AGBL3: variants seen among roughly 807,000 people sequenced by gnomAD.
AGBL3 encodes cytosolic carboxypeptidase 3.
AGBL3 carries 68 observed loss-of-function variants against 94.5 expected under a neutral mutation model. The ratio of observed to expected loss-of-function variants is 0.72; its 90% CI spans 0.59 to 0.88. The LOEUF (loss-of-function observed/expected upper bound fraction) is 0.88. AGBL3 is among the 40% of genes least tolerant of loss of function. The pLI is 0.00. For synonymous variants in AGBL3, 354 were observed against 370.7 expected, an observed-to-expected ratio of 0.95 and a Z score of 0.52; for missense variants, 934 against 1,103.8, an observed-to-expected ratio of 0.85 and a Z score of 2.18.
chr7:135,045,769 A>G, intron 10 of AGBL3, 30 bp from the exon 11 acceptor site: 3 of 1,452,166 alleles, frequency 2.1e-6, no homozygotes, highest in Non-Finnish European at 2.8e-6. Context: ...AAGTTATTTC[A>G]TAATGAGCTC....
chr7:135,057,082 T>G (rs1184926893), intron 11 of AGBL3, among the ~76,000 whole-genome samples: 1 of 152,052 alleles, frequency 6.6e-6, no homozygotes, highest in Admixed American at 6.6e-5. Context: ...ATATCCAATA[T>G]ATTTGTCACC....
At chr7:135,092,995 G>A (rs983085082) in intron 15 of AGBL3, 2 of 150,626 alleles carry the variant, frequency 1.3e-5, no homozygotes, top group African/African-American at 4.9e-5. Flanking sequence ...GATTAAAAAA[G>A]AGACACTCAA....
chr7:135,121,235 C>T (rs1827089674), intron 16 of AGBL3, among the ~76,000 whole-genome samples: 1 of 151,956 alleles, frequency 6.6e-6, no homozygotes, highest in Non-Finnish European at 1.5e-5. Flanking sequence ...CACAGAACTG[C>T]AAAATATGTG....
intron 8 of AGBL3, among the ~76,000 whole-genome samples, chr7:135,040,359 G>A (rs999416356): frequency 1.3e-5 from 2 of 152,050 alleles, no homozygotes; most frequent in Non-Finnish European, 2.9e-5. Flanking sequence ...GGACATAGAT[G>A]CAAAAATTCT....
intron 15 of AGBL3, among the ~76,000 whole-genome samples, chr7:135,087,119 T>C (rs1563250737): frequency 1.3e-5 from 2 of 152,004 alleles, no homozygotes. Flanking sequence ...CTAAGTTTTC[T>C]AATTTGTTGG....
At chr7:135,064,355 A>G (rs891202881) in intron 12 of AGBL3, among the ~76,000 whole-genome samples, 2 of 152,216 alleles carry the variant, frequency 1.3e-5, no homozygotes, top group African/African-American at 4.8e-5. Flanking sequence ...AGGTCATGTA[A>G]AGCCTGGTAG....
At chr7:135,025,673 C>G (rs191167914) in intron 5 of AGBL3, among the ~76,000 whole-genome samples, 1 of 151,636 alleles carries the variant, frequency 6.6e-6, no homozygotes, top group African/African-American at 2.4e-5. Flanking sequence ...CAAGACCCAA[C>G]TGTTGGCTGT....
chr7:135,104,767 G>A (rs1163566844), intron 15 of AGBL3, among the ~76,000 whole-genome samples: 1 of 149,990 alleles, frequency 6.7e-6, no homozygotes, highest in Non-Finnish European at 1.5e-5. Flanking sequence ...CTTTTTAATG[G>A]GGCTGTTTGG....
At chr7:135,086,326 T>C (rs1222533092) in intron 15 of AGBL3, among the ~76,000 whole-genome samples, 2 of 152,066 alleles carry the variant, frequency 1.3e-5, no homozygotes, top group Non-Finnish European at 2.9e-5. Context: ...TTCTTTCTCT[T>C]GCCTGTTTGC....
intron 16 of AGBL3, among the ~76,000 whole-genome samples, chr7:135,117,746 C>T (rs915143210): frequency 2.6e-5 from 4 of 152,210 alleles, no homozygotes; most frequent in African/African-American, 9.6e-5. Flanking sequence ...TTTCCATATA[C>T]ACCTATATCA....
chr7:135,040,000 C>T (rs1443137216), intron 8 of AGBL3, among the ~76,000 whole-genome samples: 2 of 152,000 alleles, frequency 1.3e-5, no homozygotes, highest in Non-Finnish European at 2.9e-5. Context: ...AATGATGGCA[C>T]AACTTACCAA....
At chr7:135,081,509 A>G (rs1449585181) in intron 14 of AGBL3, among the ~76,000 whole-genome samples, 2 of 152,162 alleles carry the variant, frequency 1.3e-5, no homozygotes, top group Admixed American at 1.3e-4. Context: ...AAATTCCTAG[A>G]AAAGGAATTG....
Position 135,034,588 on chromosome 7 carries a change from G to T in AGBL3, c.997G>T (p.Ala333Ser). ...CKIRVLCHTL[A>S]RNMVYILTIT... ...AATACGTGTTTTGTGCCACACGCTT[G>T]CTAGGAACATGGTGTATATTTTAAC... The change falls in exon 7 of 17, where the codon GCT (alanine) becomes TCT (serine). Residue 333 changes from alanine (A) to serine (S), a missense_variant. This residue lies in a region of AGBL3 where 488 missense variants were observed against 563.6 expected (regional missense o/e 0.87). Transcript: ENST00000436302. 2.6e-6 allele frequency: 4 copies of T among 1,551,770 alleles called. No individual in the cohort carries two copies. Among genetic ancestry groups the T allele is most frequent in the Non-Finnish European group, 3.5e-6 (4 of 1,146,986 alleles).
At chr7:135,070,914 T>G (rs1265466641) in intron 12 of AGBL3, among the ~76,000 whole-genome samples, 2 of 151,948 alleles carry the variant, frequency 1.3e-5, no homozygotes, top group South Asian at 2.1e-4. Context: ...GGTATTCAAT[T>G]AGGAAAAGAG....
At chr7:135,124,829 C>T (rs1303961389) in intron 16 of AGBL3, among the ~76,000 whole-genome samples, 1 of 152,126 alleles carries the variant, frequency 6.6e-6, no homozygotes. Flanking sequence ...AAGCAGAAAT[C>T]AAGAAGTTCT....
chr7:135,069,849 C>T (rs1238633043), intron 12 of AGBL3, among the ~76,000 whole-genome samples: 3 of 152,108 alleles, frequency 2.0e-5, no homozygotes, highest in East Asian at 1.9e-4. Context: ...CAAAAGCTAG[C>T]AGAAGGCAAG....
chr7:135,034,218 T>G lies in AGBL3; in HGVS notation c.627T>G (p.Tyr209Ter). Residue 209 changes from tyrosine to a stop codon, truncating the protein, a stop_gained, in exon 7 of 17, where the codon TAT (tyrosine) becomes TAG (stop). Coordinates refer to ENST00000436302, the MANE Select transcript of AGBL3 (RefSeq NM_178563.4). LOFTEE classifies it high-confidence loss of function. ...CAAATAAACACACCCAGTGGTACTATTTCCAAGTCACTAATATGCGAGCAG... is the reference window on the plus strand; with the variant it reads ...CAAATAAACACACCCAGTGGTACTAGTTCCAAGTCACTAATATGCGAGCAG... ...LFTNKHTQWY[Y>*]FQVTNMRAGI... 1 of 1,551,678 alleles carries G rather than the reference T, an allele frequency of 6.4e-7. No individual in the cohort carries two copies. Among genetic ancestry groups the G allele is most frequent in the Non-Finnish European group, 8.7e-7 (1 of 1,146,954 alleles).
At chr7:134,994,403 G>A (rs1438937326) in intron 4 of AGBL3, among the ~76,000 whole-genome samples, 1 of 145,720 alleles carries the variant, frequency 6.9e-6, no homozygotes, top group African/African-American at 2.6e-5. Context: ...TAATATTTCT[G>A]TATGTGTCCA....
At chr7:135,052,021 A>G (rs1817920573) in intron 11 of AGBL3, among the ~76,000 whole-genome samples, 1 of 152,092 alleles carries the variant, frequency 6.6e-6, no homozygotes, top group South Asian at 2.1e-4. Flanking sequence ...TTTAAATTAT[A>G]TAACACATTT....
Sources: gnomAD v4.1 joint callset for allele counts (sites outside exome capture counted in the v4.1 genomes callset) on GRCh38, gnomAD v4.1.1 for gene constraint, gnomAD v4.1.1 regional missense constraint, MANE v1.5 for transcripts, NCBI Gene and HGNC (gene_info 2026-07-23, HGNC 2026-07-21) for gene names.